ATG4D: variants seen among roughly 807,000 people sequenced by gnomAD.
The protein encoded by ATG4D is autophagy related 4D cysteine peptidase.
A neutral mutation model predicts 55.2 loss-of-function variants in ATG4D; 51 were observed. The ratio of observed to expected loss-of-function variants is 0.92; its 90% confidence interval spans 0.74 to 1.17. The LOEUF is 1.17. Ranked by LOEUF, ATG4D falls within the 50% of genes most tolerant of loss-of-function variation. ATG4D has a pLI of 0.00. For synonymous variants in ATG4D, 268 were observed against 266.2 expected (o/e 1.01, Z -0.07); for missense variants, 635 against 649.6 (o/e 0.98, Z 0.25).
At chr19:10,552,803 G>C in intron 9 of ATG4D, 82 bp from the exon 10 acceptor site, 1 of 1,430,308 alleles carries the variant, frequency 7.0e-7, no homozygotes, top group East Asian at 2.3e-5. Flanking sequence ...GTGGTCCTGA[G>C]AAGCACCTAC....
At chr19:10,548,773 A>G (rs1916128534) in intron 5 of ATG4D, 131 bp from the exon 6 acceptor site, 1 of 1,347,236 alleles carries the variant, frequency 7.4e-7, no homozygotes, top group East Asian at 2.4e-5. Context: ...TAGAATGATG[A>G]TTTTGGTTAG....
chr19:10,546,702 GTA>G (rs1228326248), intron 3 of ATG4D, 135 bp from the exon 4 acceptor site: 3 of 915,248 alleles, frequency 3.3e-6, no homozygotes, highest in African/African-American at 3.4e-5. Context: ...ATAAGGATAA[GTA>G]TATGTTTCAG....
intron 3 of ATG4D, among the ~76,000 whole-genome samples, chr19:10,546,352 A>ATT (rs532503665): frequency 6.9e-6 from 1 of 145,716 alleles, no homozygotes; most frequent in Admixed American, 6.9e-5. Context: ...TATTATTATT[A>ATT]TTTTTTTTTT....
Position 10,547,212 on chromosome 19 carries a change from A to T in ATG4D, c.794A>T (p.Asp265Val). Residue 265 changes from aspartate (D) to valine (V), a missense_variant, in exon 5 of 10, where the codon GAC (aspartate) becomes GTC (valine). By Grantham distance (152) the Asp-to-Val change is radical. Coordinates refer to ENST00000309469, the MANE Select transcript of ATG4D (RefSeq NM_032885.6). ...ILRKAVESCS[D>V]VTRLVVYVSQ... ...AGGAAAGCCGTGGAGAGCTGCTCCG[A>T]CGTCACCCGCCTGGTGGTGTACGTT... The T allele has an allele frequency of 6.2e-7, 1 of 1,613,986 alleles. No homozygotes were observed. The highest frequency in any genetic ancestry group is 8.5e-7 in the Non-Finnish European group (1 of 1,179,956).
chr19:10,544,409 T>C, intron 1 of ATG4D, 84 bp downstream of exon 1: 1 of 1,207,028 alleles, frequency 8.3e-7, no homozygotes, highest in Middle Eastern at 2.7e-4. Context: ...ATCCCACCCT[T>C]GTTCCCGTCC....
rs200667601 is a variant in ATG4D, at chr19:10,545,021, C to G, written c.384C>G (p.Phe128Leu). The G allele has an allele frequency of 3.1e-4, 501 of 1,611,360 alleles. 5 individuals are homozygous for G. Among genetic ancestry groups the G allele is most frequent in the Non-Finnish European group, 5.7e-5 (67 of 1,178,802 alleles). The change falls in exon 3 of 10, where the codon TTC becomes TTG. Residue 128 changes from phenylalanine to leucine, a missense_variant. Physicochemically the swap from Phe to Leu is conservative, Grantham distance 22 (BLOSUM62 0). Transcript: ENST00000309469. ...TGTGGCTCACATACCGCCGGGACTTCCCGCCCCTTCCTGGGGGCTGCCTGA... is the reference window on the plus strand; with the variant it reads ...TGTGGCTCACATACCGCCGGGACTTGCCGCCCCTTCCTGGGGGCTGCCTGA... Reference protein sequence around the residue: ...SRLWLTYRRDFPPLPGGCLTS... With the variant: ...SRLWLTYRRDLPPLPGGCLTS...
intron 5 of ATG4D, among the ~76,000 whole-genome samples, 192 bp from the exon 6 acceptor site, chr19:10,548,712 T>C (rs1193885294): frequency 6.6e-6 from 1 of 152,088 alleles, no homozygotes; most frequent in African/African-American, 2.4e-5. Flanking sequence ...AATGGGGATG[T>C]CCACACCTGC....
chr19:10,549,335 C>T (rs1916149278), intron 6 of ATG4D, among the ~76,000 whole-genome samples: 1 of 152,174 alleles, frequency 6.6e-6, no homozygotes, highest in Non-Finnish European at 1.5e-5. Flanking sequence ...TTTGGTCAGG[C>T]TGATCTTGAA....
chr19:10,544,572 G>A, intron 1 of ATG4D: 1 of 1,111,170 alleles, frequency 9.0e-7, no homozygotes, highest in South Asian at 1.8e-5. Flanking sequence ...TGTAAAATGG[G>A]TACAATAATC....
rs1568414516 is a variant in ATG4D at position 10,544,978 on chromosome 19, GGGACTTTGT to G, written c.343_351del (p.Asp115_Val117del). 1.3e-6 allele frequency: 2 copies of G among 1,594,558 alleles called. No homozygotes were observed. The highest frequency in any genetic ancestry group is 1.7e-5 in the Admixed American group (1 of 57,360). On this transcript the variant is annotated inframe_deletion, in exon 3 of 10. Coordinates refer to ENST00000309469, the MANE Select transcript of ATG4D (RefSeq NM_032885.6). ...GTAGGTGACATACAGCGTTTCCAGC[GGGACTTTGT>G]GTCCCGCCTGTGGCTCACATACCGC...
At chr19:10,546,047 G>A (rs1189327709) in intron 3 of ATG4D, among the ~76,000 whole-genome samples, 1 of 148,924 alleles carries the variant, frequency 6.7e-6, no homozygotes, top group African/African-American at 2.5e-5. Context: ...CAGGTCGAGT[G>A]TGGTGGCTCA....
rs1310650303 is a variant in ATG4D at position 10,553,142 on chromosome 19, C to T, written c.*75C>T. On this transcript the variant is annotated 3_prime_UTR_variant, in exon 10 of 10. Coordinates refer to ENST00000309469, the MANE Select transcript of ATG4D (RefSeq NM_032885.6). ...GTCATGTCGGGTGTGGGATCTTGAG[C>T]TCTGGCAGTGATGATGGTACTTCCT... The T allele has an allele frequency of 1.3e-5, 19 of 1,461,682 alleles. No individual in the cohort carries two copies. Among genetic ancestry groups the T allele is most frequent in the Non-Finnish European group, 1.6e-5 (18 of 1,100,784 alleles). 90.5% of individuals were successfully genotyped at this position (1,461,682 alleles called of 1,614,324 possible).
intron 9 of ATG4D, among the ~76,000 whole-genome samples, chr19:10,552,593 C>T (rs548782488): frequency 2.0e-5 from 3 of 152,326 alleles, no homozygotes; most frequent in Non-Finnish European, 2.9e-5. Flanking sequence ...CCGACCAGGA[C>T]TCTACCCTTA....
Position 10,543,913 on chromosome 19 carries a change from C to T in ATG4D, c.-178C>T. 2.5e-6 allele frequency: 1 copy of T among 399,640 alleles called. No individual in the cohort carries two copies. Among genetic ancestry groups the T allele is most frequent in the Non-Finnish European group, 4.3e-6 (1 of 233,604 alleles). The allele number at this position is 399,640 out of a possible 1,614,324, so 24.8% of individuals were successfully genotyped here. A position where few individuals can be genotyped will look rare whatever the true frequency, so the allele number is the denominator to read the frequency against. On this transcript the variant is annotated 5_prime_UTR_variant, in exon 1 of 10. Transcript: ENST00000309469. The stretch of plus-strand genomic sequence containing the variant: ...CCCACCGTCATCCGGGGTCCTGGCC[C>T]GCTAAGATGGCGATGGCTGCGGTAG...
Position 10,547,264 on chromosome 19 carries a change from G to A in ATG4D, c.835+11G>A, listed in dbSNP as rs775882585. 1 of 1,610,682 alleles carries A rather than the reference G, an allele frequency of 6.2e-7. No homozygotes were observed. Among genetic ancestry groups the A allele is most frequent in the Non-Finnish European group, 8.5e-7 (1 of 1,177,500 alleles). On this transcript the variant is annotated intron_variant, in intron 5 of 9. Transcript: ENST00000309469. The stretch of plus-strand genomic sequence containing the variant: ...CTCAGGACTGCACAGGTAAGGGGCT[G>A]GGAGCCAAGATCACAGGGGCCCCAC...
chr19:10,545,244 A>G (rs1472501188), intron 3 of ATG4D, 114 bp downstream of exon 3: 3 of 1,406,332 alleles, frequency 2.1e-6, no homozygotes, highest in Admixed American at 2.2e-5. Flanking sequence ...TTGTGTGTCA[A>G]GTAAGTTTTG....
In ATG4D at chr19:10,543,910, G is replaced by A. The variant is rs970752040; in HGVS notation, c.-181G>A. The A allele has an allele frequency of 5.6e-5, 22 of 395,686 alleles. No homozygotes were observed. Among genetic ancestry groups the A allele is most frequent in the African/African-American group, 4.2e-4 (20 of 48,038 alleles). The allele number at this position is 395,686 out of a possible 1,614,324, so 24.5% of individuals were successfully genotyped here. Reference sequence around the variant, plus strand: ...ACGCCCACCGTCATCCGGGGTCCTGGCCCGCTAAGATGGCGATGGCTGCGG... The same window carrying A: ...ACGCCCACCGTCATCCGGGGTCCTGACCCGCTAAGATGGCGATGGCTGCGG... On this transcript the variant is annotated 5_prime_UTR_variant, in exon 1 of 10. Coordinates refer to ENST00000309469, the MANE Select transcript of ATG4D (RefSeq NM_032885.6).
chr19:10,545,141 G>A lies in ATG4D; in HGVS notation c.493+11G>A, dbSNP rs1234002213. ...ATTTCCTGCCCAGAGGTGAGCCATA[G>A]GGGGGAAGGGGTGCACTAGGAGTAC... On this transcript the variant is annotated intron_variant, in intron 3 of 9. Coordinates refer to ENST00000309469, the MANE Select transcript of ATG4D (RefSeq NM_032885.6). 1 of 1,606,000 alleles carries A rather than the reference G, an allele frequency of 6.2e-7. No homozygotes were observed. Among genetic ancestry groups the A allele is most frequent in the East Asian group, 2.2e-5 (1 of 44,884 alleles).
In ATG4D at chr19:10,553,000, G is replaced by A. The variant is rs773535048; in HGVS notation, c.1358G>A (p.Arg453Gln). 9 of 1,613,058 alleles carry A rather than the reference G, an allele frequency of 5.6e-6. No individual in the cohort carries two copies. The highest frequency in any genetic ancestry group is 2.7e-5 in the African/African-American group (2 of 74,946). The change falls in exon 10 of 10, where the codon CGG becomes CAG. Residue 453 changes from arginine to glutamine, a missense_variant. Physicochemically the swap from Arg to Gln is conservative, Grantham distance 43 (BLOSUM62 1). Transcript: ENST00000309469. ...TCCCAGCTCGCCCAGCCCACACTCC[G>A]GCTCCCTCGCACAGGGCGGCTCCTC... ...LCSQLAQPTL[R>Q]LPRTGRLLRA...
Sources: allele counts gnomAD v4.1 joint callset (sites outside exome capture counted in the v4.1 genomes callset), GRCh38; gene constraint gnomAD v4.1.1; transcripts MANE v1.5; gene names NCBI Gene and HGNC (gene_info 2026-07-23, HGNC 2026-07-21).